Variants in ULK4 observed in about 807,000 individuals in gnomAD.
ULK4 encodes the protein unc-51 like kinase 4, also known as inactive serine/threonine-protein kinase ULK4.
A neutral mutation model predicts 160.6 loss-of-function variants in ULK4; 133 were observed. That is an observed-to-expected ratio of 0.83 (90% confidence interval 0.72 to 0.96). The LOEUF (loss-of-function observed/expected upper bound fraction) is 0.96. ULK4 is among the 40% of genes least tolerant of loss of function. The pLI is 0.00. For synonymous variants in ULK4, 534 were observed against 539.8 expected, an observed-to-expected ratio of 0.99 and a Z score of 0.15; for missense variants, 1,580 against 1,499.5, an observed-to-expected ratio of 1.05 and a Z score of -0.89.
intron 21 of ULK4, among the ~76,000 whole-genome samples, chr3:41,765,278 A>C (rs144810385): frequency 0.12 from 18,823 of 152,158 alleles, 1,338 homozygotes; most frequent in Middle Eastern, 0.27. Context: ...TGAAGCTGGA[A>C]ACCATCATTC....
chr3:41,536,357 T>C (rs2086498824), intron 32 of ULK4, among the ~76,000 whole-genome samples: 1 of 133,190 alleles, frequency 7.5e-6, no homozygotes, highest in South Asian at 2.4e-4. Context: ...GTTACTAGAC[T>C]AGGAACTGAC....
At chr3:41,869,599 AATATATAC>A (rs1697018794) in intron 17 of ULK4, among the ~76,000 whole-genome samples, 1 of 152,158 alleles carries the variant, frequency 6.6e-6, no homozygotes, top group South Asian at 2.1e-4. Context: ...TCACATATAC[AATATATAC>A]ATAAAACATA....
chr3:41,285,638 G>C (rs1261436594), intron 35 of ULK4, among the ~76,000 whole-genome samples: 3 of 152,174 alleles, frequency 2.0e-5, no homozygotes, highest in Non-Finnish European at 4.4e-5. Flanking sequence ...ACAGGGTGCA[G>C]AGTATACTGT....
intron 35 of ULK4, among the ~76,000 whole-genome samples, chr3:41,374,071 C>T (rs1363922944): frequency 2.0e-5 from 3 of 152,130 alleles, no homozygotes; most frequent in Non-Finnish European, 4.4e-5. Context: ...CATACACCCT[C>T]CCAAGACTAA....
chr3:41,566,190 G>C (rs562773988), intron 31 of ULK4, 60 bp from the exon 32 acceptor site: 1 of 1,432,720 alleles, frequency 7.0e-7, no homozygotes, highest in South Asian at 1.2e-5. Flanking sequence ...TCATCGTAAA[G>C]ACAAATAAGC....
Position 41,926,507 on chromosome 3 carries a change from T to C in ULK4, c.541+5337A>G, listed in dbSNP as rs1699390438. ...CTGGATGGAGAACGAGTTTGCCAAA[T>C]TGACAGAAGTAGGCTAAAGAGGGTG... On this transcript the variant is annotated intron_variant, in intron 5 of 36. Coordinates refer to ENST00000301831, the MANE Select transcript of ULK4 (RefSeq NM_017886.4). 2.6e-5 allele frequency among the ~76,000 whole-genome samples: 4 copies of C among 152,192 alleles called. No individual in the cohort carries two copies. The South Asian group carries it at 8.3e-4, about 32-fold the overall frequency.
chr3:41,747,101 T>C (rs1223414493), intron 22 of ULK4, among the ~76,000 whole-genome samples: 1 of 151,858 alleles, frequency 6.6e-6, no homozygotes, highest in African/African-American at 2.4e-5. Flanking sequence ...CTAGACAGAG[T>C]TCTTAGTCTT....
intron 30 of ULK4, among the ~76,000 whole-genome samples, chr3:41,627,771 G>A (rs963270370): frequency 2.6e-5 from 4 of 152,166 alleles, no homozygotes; most frequent in Non-Finnish European, 4.4e-5. Flanking sequence ...GTATGCACAG[G>A]ATGTAAGGGA....
chr3:41,302,926 AT>A (rs2079828322), intron 35 of ULK4, among the ~76,000 whole-genome samples: 1 of 152,166 alleles, frequency 6.6e-6, no homozygotes, highest in Non-Finnish European at 1.5e-5. Flanking sequence ...ATATGGGAGA[AT>A]TTTATAATAT....
At chr3:41,486,799 C>T (rs893807298) in intron 32 of ULK4, among the ~76,000 whole-genome samples, 11 of 152,134 alleles carry the variant, frequency 7.2e-5, no homozygotes, top group African/African-American at 2.7e-4. Context: ...TTTTCATATA[C>T]GATCTGGCCA....
intron 16 of ULK4, 130 bp downstream of exon 16, chr3:41,895,388 T>C (rs909525143): frequency 9.3e-6 from 4 of 431,268 alleles, no homozygotes; most frequent in Admixed American, 4.6e-5. Context: ...AAATTGCCTA[T>C]GAGTAGAGTC....
At chr3:41,450,515 T>C (rs1022918128) in intron 34 of ULK4, among the ~76,000 whole-genome samples, 3 of 152,214 alleles carry the variant, frequency 2.0e-5, no homozygotes, top group Non-Finnish European at 4.4e-5. Flanking sequence ...TAAGGATAAG[T>C]AGGTTTACTT....
At chr3:41,334,274 G>A (rs2080506544) in intron 35 of ULK4, among the ~76,000 whole-genome samples, 1 of 152,124 alleles carries the variant, frequency 6.6e-6, no homozygotes, top group South Asian at 2.1e-4. Context: ...GGGTTGAGAG[G>A]CTGCCTCATC....
At chr3:41,760,392 T>C (rs1187789575) in intron 21 of ULK4, among the ~76,000 whole-genome samples, 4 of 152,174 alleles carry the variant, frequency 2.6e-5, no homozygotes, top group African/African-American at 9.6e-5. Flanking sequence ...CTATCATATA[T>C]GCCTCAACCA....
intron 21 of ULK4, among the ~76,000 whole-genome samples, chr3:41,772,439 C>A (rs1364101794): frequency 1.3e-5 from 2 of 152,080 alleles, no homozygotes; most frequent in African/African-American, 2.4e-5. Flanking sequence ...ATACTATAAA[C>A]ACCTCTACGC....
intron 2 of ULK4, among the ~76,000 whole-genome samples, chr3:41,950,124 T>C (rs1209033063): frequency 6.6e-6 from 1 of 151,900 alleles, no homozygotes; most frequent in Non-Finnish European, 1.5e-5. Flanking sequence ...TCTCAGTCTG[T>C]CACTCAGGTT....
intron 32 of ULK4, among the ~76,000 whole-genome samples, chr3:41,507,844 A>G (rs1021546): frequency 0.84 from 127,809 of 152,128 alleles, 54,995 homozygotes; most frequent in Non-Finnish European, 0.94. Context: ...TGCAGCTCCC[A>G]CTAGAACAGA....
intron 35 of ULK4, among the ~76,000 whole-genome samples, chr3:41,391,724 C>A (rs911516885): frequency 1.3e-5 from 2 of 151,792 alleles, no homozygotes; most frequent in Admixed American, 1.3e-4. Context: ...TGAGAAGGGC[C>A]GATACCTATA....
At chr3:41,484,748 G>A (rs932693942) in intron 32 of ULK4, among the ~76,000 whole-genome samples, 2 of 152,072 alleles carry the variant, frequency 1.3e-5, no homozygotes, top group African/African-American at 2.4e-5. Flanking sequence ...CACCGCGCCC[G>A]GCCCGAGTGA....
Sources: gnomAD v4.1 joint callset for allele counts (sites outside exome capture counted in the v4.1 genomes callset) on GRCh38, gnomAD v4.1.1 for gene constraint, MANE v1.5 for transcripts, NCBI Gene and HGNC (gene_info 2026-07-23, HGNC 2026-07-21) for gene names.